KIAA1671: variants seen among roughly 807,000 people sequenced by gnomAD.
KIAA1671 encodes the protein KIAA1671, also known as uncharacterized protein KIAA1671.
In KIAA1671, 52 loss-of-function variants were observed where a neutral mutation model predicts 131.2. The ratio of observed to expected loss-of-function variants is 0.40; its 90% CI spans 0.32 to 0.50. The LOEUF is 0.50. KIAA1671 is among the 20% of genes least tolerant of loss of function. The pLI, the probability that KIAA1671 is intolerant of heterozygous loss-of-function variation, is 0.73. For synonymous variants in KIAA1671, 1,003 were observed against 961.6 expected (o/e 1.04, Z -0.80); for missense variants, 2,360 against 2,364.2 (o/e 1.00, Z 0.04).
At chr22:24,962,250 G>A (rs758369854) in intron 1 of KIAA1671, among the ~76,000 whole-genome samples, 3 of 152,156 alleles carry the variant, frequency 2.0e-5, no homozygotes, top group Non-Finnish European at 4.4e-5. Flanking sequence ...TGTGGGCCAC[G>A]TGACTTTTGA....
rs868505122 is a variant in KIAA1671 at position 25,029,496 on chromosome 22, G to T, written c.1497G>T (p.Arg499Ser). The T allele has an allele frequency of 5.8e-4, 897 of 1,550,528 alleles. 4 individuals carry two copies. In the African/African-American group the frequency reaches 0.011, roughly 19 times the overall value. Reference sequence around the variant, plus strand: ...CAGAGGCTAAGCCCGAGGTCAGGAGGAGGACGTTCCAGGCTCGGCCGCTGT... The same window carrying T: ...CAGAGGCTAAGCCCGAGGTCAGGAGTAGGACGTTCCAGGCTCGGCCGCTGT... ...ESSEAKPEVR[R>S]RTFQARPLSA... The change falls in exon 3 of 13, where the codon AGG (arginine) becomes AGT (serine). Residue 499 changes from arginine to serine, a missense_variant. Arg to Ser is a moderately radical substitution (Grantham distance 110). This residue lies in a region of KIAA1671 where 1,185 missense variants were observed against 1,126.2 expected (regional missense o/e 1.05). Transcript: ENST00000358431.
chr22:25,085,987 A>G (rs2145871186), intron 6 of KIAA1671, among the ~76,000 whole-genome samples: 1 of 152,320 alleles, frequency 6.6e-6, no homozygotes, highest in Non-Finnish European at 1.5e-5. Context: ...CACGTGACAC[A>G]GTGCCTGACA....
intron 7 of KIAA1671, among the ~76,000 whole-genome samples, chr22:25,173,614 C>T (rs1273916585): frequency 1.3e-5 from 2 of 151,890 alleles, no homozygotes; most frequent in African/African-American, 2.4e-5. Context: ...TACTATGTAT[C>T]GATTATAAAT....
chr22:24,966,426 C>A (rs1419277821), intron 1 of KIAA1671, among the ~76,000 whole-genome samples: 1 of 152,180 alleles, frequency 6.6e-6, no homozygotes, highest in Admixed American at 6.5e-5. Context: ...CAGGCACTGC[C>A]CGCTCAGCCT....
chr22:25,112,087 C>G (rs1370929867), intron 6 of KIAA1671: 2 of 397,982 alleles, frequency 5.0e-6, no homozygotes, highest in East Asian at 7.1e-5. Flanking sequence ...CTTCCATGAG[C>G]AAAAGAGTCC....
In KIAA1671 at chr22:25,076,639, T is replaced by G. The variant is rs116147595; in HGVS notation, c.4530+27275T>G. 2.6e-3 allele frequency among the ~76,000 whole-genome samples: 396 copies of G among 152,344 alleles called. 1 individual carries two copies. The highest frequency in any genetic ancestry group is 8.9e-3 in the African/African-American group (372 of 41,578). ...CTCTGGTGTGGCTGTTGTGAGTTAT[T>G]TAATCTCCTTTGTTGCTGAGATAAC... On this transcript the variant is annotated intron_variant, in intron 6 of 12. Coordinates refer to ENST00000358431, the MANE Select transcript of KIAA1671 (RefSeq NM_001145206.2).
intron 5 of KIAA1671, among the ~76,000 whole-genome samples, chr22:25,048,212 G>T (rs1927352423): frequency 6.6e-6 from 1 of 152,220 alleles, no homozygotes; most frequent in Non-Finnish European, 1.5e-5. Context: ...ATGAGTGTGA[G>T]CTTCCAAGAG....
chr22:25,067,204 C>T (rs1928523285), intron 6 of KIAA1671, among the ~76,000 whole-genome samples: 1 of 152,018 alleles, frequency 6.6e-6, no homozygotes. Flanking sequence ...AGCGGTGCTC[C>T]CCTCCCCACA....
intron 6 of KIAA1671, among the ~76,000 whole-genome samples, chr22:25,093,851 TCTCTCTCTC>T (rs1930261689): frequency 1.6e-5 from 2 of 125,754 alleles, no homozygotes; most frequent in Admixed American, 7.8e-5. Context: ...TCTCTCTCTC[TCTCTCTCTC>T]TCTCTCTCTC....
chr22:25,114,493 G>A (rs1335388831), intron 6 of KIAA1671, among the ~76,000 whole-genome samples: 4 of 152,206 alleles, frequency 2.6e-5, no homozygotes, highest in Non-Finnish European at 5.9e-5. Flanking sequence ...TCAACGAAAC[G>A]CAAGGCCAGG....
chr22:25,176,188 CCT>C (rs1934019971), intron 8 of KIAA1671: 1 of 152,264 alleles, frequency 6.6e-6, no homozygotes, highest in Non-Finnish European at 1.5e-5. Flanking sequence ...CGTCTTTCCC[CCT>C]CTTTCACTGG....
chr22:24,958,962 T>C (rs542767388), intron 1 of KIAA1671, among the ~76,000 whole-genome samples: 5 of 91,818 alleles, frequency 5.4e-5, no homozygotes, highest in South Asian at 3.1e-4. Context: ...GCCTGAACGA[T>C]AGAACAAAAC....
chr22:24,961,647 C>T (rs992629667), intron 1 of KIAA1671, among the ~76,000 whole-genome samples: 4 of 152,174 alleles, frequency 2.6e-5, no homozygotes, highest in Non-Finnish European at 5.9e-5. Flanking sequence ...CAGAAGCCTC[C>T]GTTCTGAACT....
chr22:25,085,824 T>C (rs1033037844), intron 6 of KIAA1671, among the ~76,000 whole-genome samples: 1 of 150,914 alleles, frequency 6.6e-6, no homozygotes, highest in African/African-American at 2.4e-5. Flanking sequence ...GGAGGAAGGC[T>C]GTTCAAGAGC....
intron 1 of KIAA1671, among the ~76,000 whole-genome samples, chr22:24,994,159 A>G (rs1923986828): frequency 1.3e-5 from 2 of 152,138 alleles, no homozygotes; most frequent in African/African-American, 4.8e-5. Flanking sequence ...TTGCTGACAC[A>G]TTTCAAAATG....
intron 1 of KIAA1671, among the ~76,000 whole-genome samples, chr22:25,020,229 G>C (rs1925588547): frequency 6.6e-6 from 1 of 152,066 alleles, no homozygotes; most frequent in African/African-American, 2.4e-5. Flanking sequence ...TTTCTCATCT[G>C]TTAGAATGGT....
intron 1 of KIAA1671, among the ~76,000 whole-genome samples, chr22:25,001,193 ATGTG>A (rs550321183): frequency 4.2e-4 from 62 of 149,348 alleles, no homozygotes; most frequent in East Asian, 2.8e-3. Context: ...GTGTGTATAT[ATGTG>A]TGTATGTGTA....
chr22:25,093,748 C>CTCTCTCTCTCTG (rs1930186033), intron 6 of KIAA1671, among the ~76,000 whole-genome samples: 20 of 111,472 alleles, frequency 1.8e-4, no homozygotes, highest in South Asian at 3.0e-4. Flanking sequence ...CTCTCTCTCT[C>CTCTCTCTCTCTG]TCTCTCTCTC....
At chr22:25,053,438 T>C (rs1927653655) in intron 6 of KIAA1671, 1 of 152,202 alleles carries the variant, frequency 6.6e-6, no homozygotes, top group Non-Finnish European at 1.5e-5. Flanking sequence ...GCCCATCTTG[T>C]GACGATGAAG....
Sources: allele counts gnomAD v4.1 joint callset (sites outside exome capture counted in the v4.1 genomes callset), GRCh38; gene constraint gnomAD v4.1.1; regional missense constraint gnomAD v4.1.1; transcripts MANE v1.5; gene names NCBI Gene and HGNC (gene_info 2026-07-23, HGNC 2026-07-21).